ZNF606: variants seen among roughly 807,000 people sequenced by gnomAD.
ZNF606 encodes the protein zinc finger protein 328.
ZNF606 carries 37 observed loss-of-function variants against 74.9 expected under a neutral mutation model. That is an observed-to-expected ratio of 0.49 (90% CI 0.38 to 0.65). The LOEUF is 0.65. Among genes scored for constraint, ZNF606 ranks in the 30% least tolerant of loss-of-function variants. The probability of loss-of-function intolerance (pLI) is 0.00; values close to 1 mark genes in which losing one functional copy is unlikely to be tolerated. For missense variants in ZNF606, 852 were observed against 952.9 expected (o/e 0.89, Z 1.39); for synonymous variants, 328 against 312.4 (o/e 1.05, Z -0.53).
intron 4 of ZNF606, chr19:57,998,507 A>G (rs937071905): frequency 3.3e-5 from 5 of 152,178 alleles, no homozygotes; most frequent in African/African-American, 1.2e-4. Flanking sequence ...AAATGTCCAG[A>G]CTAGGCAAAT....
At chr19:57,994,667 T>A (rs562189120) in intron 4 of ZNF606, among the ~76,000 whole-genome samples, 1 of 151,986 alleles carries the variant, frequency 6.6e-6, no homozygotes, top group Admixed American at 6.6e-5. Context: ...AGATGGCCAA[T>A]AAAGACATCA....
At chr19:57,993,989 A>C (rs546415450) in intron 4 of ZNF606, among the ~76,000 whole-genome samples, 33 of 152,222 alleles carry the variant, frequency 2.2e-4, no homozygotes, top group Non-Finnish European at 4.3e-4. Flanking sequence ...GGACATGAGA[A>C]ACACCTGATG....
intron 4 of ZNF606, chr19:57,998,636 T>A (rs1232735439): frequency 6.6e-6 from 1 of 152,318 alleles, no homozygotes; most frequent in East Asian, 1.9e-4. Flanking sequence ...TAGATACTGG[T>A]GATTGTTGCA....
In ZNF606 at chr19:57,980,509, T is replaced by C. The variant is rs2073068980; in HGVS notation, c.401-230A>G. On this transcript the variant is annotated intron_variant, in intron 6 of 6. Transcript: ENST00000551380. The stretch of plus-strand genomic sequence containing the variant: ...GAAAACTAATGAAACCATTTAAAAG[T>C]ACTTTCCATGAAAAGGAAGACCAGT... Among the ~76,000 whole-genome samples the C allele has an allele frequency of 2.0e-5, 3 of 152,248 alleles. No individual in the cohort carries two copies. In the East Asian group the frequency reaches 5.8e-4, roughly 29 times the overall value.
intron 6 of ZNF606, among the ~76,000 whole-genome samples, chr19:57,986,151 G>T (rs1373447578): frequency 2.6e-5 from 4 of 152,036 alleles, no homozygotes; most frequent in Non-Finnish European, 5.9e-5. Context: ...GAGATTTCCA[G>T]ATAAACAAAA....
At position 57,979,247 on chromosome 19, in the gene ZNF606, T is replaced by G. The variant is rs1169195047; in HGVS notation, c.1433A>C (p.His478Pro). 2 of 1,613,938 alleles carry G rather than the reference T, an allele frequency of 1.2e-6. No individual in the cohort carries two copies. The highest frequency in any genetic ancestry group is 2.2e-5 in the East Asian group (1 of 44,874). The change falls in exon 7 of 7, where the codon CAT (histidine) becomes CCT (proline). Residue 478 changes from histidine to proline, a missense_variant. Coordinates refer to ENST00000551380, the MANE Select transcript of ZNF606 (RefSeq NM_001348022.3). ...NSHLIVHKRI[H>P]TGEKPYVCNE... ...ACAAACATAAGGTTTTTCTCCTGTA[T>G]GAATTCTCTTATGTACAATAAGATG... is the stretch of plus-strand genomic sequence containing the variant.
At chr19:57,995,365 C>T (rs10401805) in intron 4 of ZNF606, among the ~76,000 whole-genome samples, 33,276 of 151,870 alleles carry the variant, frequency 0.22, 3,731 homozygotes, top group Non-Finnish European at 0.24. Flanking sequence ...TATAAACCTG[C>T]CCATAAAAGA....
chr19:58,002,556 C>G lies in ZNF606; in HGVS notation c.-212G>C, dbSNP rs960562660. ...GACAAAGGCCCGCGGAGCCGACGTG[C>G]AGCAGAGTTCACCCAGGCCCGTCCG... On this transcript the variant is annotated 5_prime_UTR_variant, in exon 1 of 7. Coordinates refer to ENST00000551380, the MANE Select transcript of ZNF606 (RefSeq NM_001348022.3). 2.3e-6 allele frequency: 1 copy of G among 427,846 alleles called. No individual in the cohort carries two copies. The highest frequency in any genetic ancestry group is 2.0e-5 in the African/African-American group (1 of 49,058). The allele number at this position is 427,846 out of a possible 1,614,324, so 26.5% of individuals were successfully genotyped here. A position where few individuals can be genotyped will look rare whatever the true frequency, so the allele number is the denominator to read the frequency against.
At chr19:57,999,695 T>A (rs1435560604) in intron 4 of ZNF606, 113 bp downstream of exon 4, 1 of 1,101,046 alleles carries the variant, frequency 9.1e-7, no homozygotes, top group Non-Finnish European at 1.4e-6. Context: ...AACTTCCAGT[T>A]GCTTCCTTCC....
At chr19:57,995,507 A>G (rs1366662617) in intron 4 of ZNF606, among the ~76,000 whole-genome samples, 1 of 152,132 alleles carries the variant, frequency 6.6e-6, no homozygotes, top group African/African-American at 2.4e-5. Context: ...GGAAAACTAC[A>G]TATAGAAAAA....
chr19:57,987,814 C>T (rs771514823), intron 6 of ZNF606, among the ~76,000 whole-genome samples: 3 of 152,064 alleles, frequency 2.0e-5, no homozygotes, highest in South Asian at 2.1e-4. Flanking sequence ...GGCGACAGAG[C>T]GAGACTTTAT....
At chr19:57,988,506 C>T (rs2073199409) in intron 5 of ZNF606, 89 bp downstream of exon 5, 1 of 1,539,754 alleles carries the variant, frequency 6.5e-7, no homozygotes, top group South Asian at 1.3e-5. Flanking sequence ...AGACACCACC[C>T]TCGCCCCTGC....
chr19:57,978,333 G>C lies in ZNF606; in HGVS notation c.2347C>G (p.Gln783Glu). ...FSGHSALLQH[Q>E]RNHSEEKLN ...AGTTTCTCTTCACTGTGATTTCTCT[G>C]GTGTTGAAGTAGGGCTGAGTGACCA... The change falls in exon 7 of 7, where the codon CAG (glutamine) becomes GAG (glutamate). Residue 783 changes from glutamine (Q) to glutamate (E), a missense_variant. This residue lies in a region of ZNF606 where 64 missense variants were observed against 51.1 expected (regional missense o/e 1.25). Transcript: ENST00000551380. This position sits in a 1 kb window ranked among gnomAD's most constrained non-coding sequence, Gnocchi z 4.4. The C allele has an allele frequency of 6.3e-7, 1 of 1,578,136 alleles. No individual in the cohort carries two copies. The highest frequency in any genetic ancestry group is 8.6e-7 in the Non-Finnish European group (1 of 1,160,944).
intron 4 of ZNF606, among the ~76,000 whole-genome samples, chr19:57,995,527 GA>G (rs1353396952): frequency 1.3e-5 from 2 of 151,838 alleles, no homozygotes; most frequent in South Asian, 2.1e-4. Context: ...AAATCATTGG[GA>G]AAAAAAATAG....
chr19:57,994,357 A>G (rs2073304263), intron 4 of ZNF606, among the ~76,000 whole-genome samples: 1 of 152,202 alleles, frequency 6.6e-6, no homozygotes, highest in East Asian at 1.9e-4. Flanking sequence ...GCCCAGAAAG[A>G]GAACCTAAAG....
intron 4 of ZNF606, 50 bp downstream of exon 4, chr19:57,999,758 C>G (rs200642341): frequency 1.3e-6 from 2 of 1,571,674 alleles, no homozygotes; most frequent in Non-Finnish European, 1.7e-6. Context: ...CTGGGATGAC[C>G]AGGGATAACC....
At chr19:58,000,864 TA>T (rs373295287) in intron 2 of ZNF606, 125 bp from the exon 3 acceptor site, 81 of 840,810 alleles carry the variant, frequency 9.6e-5, no homozygotes, top group Admixed American at 1.3e-4. Flanking sequence ...CAAGGGTGTG[TA>T]AAAAAAATGC....
intron 6 of ZNF606, among the ~76,000 whole-genome samples, chr19:57,985,745 G>A (rs1019639140): frequency 2.0e-5 from 3 of 151,526 alleles, no homozygotes; most frequent in East Asian, 1.9e-4. Context: ...TGGCTAACAC[G>A]GTGAAACCTG....
At chr19:58,001,205 G>A in intron 2 of ZNF606, 84 bp downstream of exon 2, 3 of 1,530,894 alleles carry the variant, frequency 2.0e-6, no homozygotes, top group Non-Finnish European at 2.7e-6. Flanking sequence ...ATCCTCAAAA[G>A]TCCTCAGCCC....
Sources: allele counts gnomAD v4.1 joint callset (sites outside exome capture counted in the v4.1 genomes callset), GRCh38; gene constraint gnomAD v4.1.1; regional missense constraint gnomAD v4.1.1; non-coding constraint Gnocchi (gnomAD v3.1); transcripts MANE v1.5; gene names NCBI Gene and HGNC (gene_info 2026-07-23, HGNC 2026-07-21).